Variants in NF1 observed in about 807,000 individuals in gnomAD.
NF1 encodes neurofibromin 1, also known as neurofibromin.
Under a neutral mutation model 325.7 loss-of-function variants are expected in NF1, and 122 were observed. The ratio of observed to expected loss-of-function variants is 0.37; its 90% CI spans 0.32 to 0.44. The LOEUF is 0.44. Among genes scored for constraint, NF1 ranks in the 20% least tolerant of loss-of-function variants. NF1 has a pLI of 1.00. For missense variants in NF1, 2,140 were observed against 3,415.4 expected (o/e 0.63, Z 9.31); for synonymous variants, 1,091 against 1,186.0 (o/e 0.92, Z 1.65).
Position 31,095,281 on chromosome 17 carries a change from C to T in NF1, c.-29C>T, listed in dbSNP as rs1346645450. The T allele has an allele frequency of 1.3e-6, 2 of 1,534,450 alleles. No homozygotes were observed. The highest frequency in any genetic ancestry group is 1.4e-5 in the African/African-American group (1 of 72,840). ...GCCCAGGGCGCCGGCCCACCCTTCC[C>T]TCCGCCGCCCCCCGGCCGCGGGGAG... On this transcript the variant is annotated 5_prime_UTR_variant, in exon 1 of 58. Transcript: ENST00000358273.
chr17:31,167,867 A>G (rs1363999292), intron 4 of NF1, among the ~76,000 whole-genome samples: 1 of 152,224 alleles, frequency 6.6e-6, no homozygotes, highest in African/African-American at 2.4e-5. Flanking sequence ...GTTTAAACAG[A>G]TATTCCTGTC....
chr17:31,197,634 A>T (rs1246067200), intron 8 of NF1, among the ~76,000 whole-genome samples: 1 of 151,654 alleles, frequency 6.6e-6, no homozygotes, highest in East Asian at 1.9e-4. Flanking sequence ...AATCCAGCTG[A>T]TTTTTGTGTG....
intron 36 of NF1, chr17:31,307,867 A>G (rs1382871649): frequency 2.3e-6 from 3 of 1,285,644 alleles, no homozygotes; most frequent in East Asian, 5.6e-5. Flanking sequence ...GGAAGGTGCA[A>G]TAAAGGTTTT....
At chr17:31,297,228 G>C (rs1048243788) in intron 36 of NF1, 1 of 152,302 alleles carries the variant, frequency 6.6e-6, no homozygotes, top group Non-Finnish European at 1.5e-5. Context: ...CTGTAGAGTC[G>C]GAACTGTTTC....
chr17:31,179,831 C>T (rs1357375137), intron 5 of NF1, among the ~76,000 whole-genome samples: 1 of 149,382 alleles, frequency 6.7e-6, no homozygotes, highest in Non-Finnish European at 1.5e-5. Flanking sequence ...TTGAAAAGAT[C>T]AACAAAATAA....
chr17:31,225,947 G>A (rs1385097848), intron 17 of NF1, among the ~76,000 whole-genome samples: 1 of 152,138 alleles, frequency 6.6e-6, no homozygotes, highest in Non-Finnish European at 1.5e-5. Flanking sequence ...ATCTTCTACA[G>A]CAATATTTAG....
rs1254837981 is a variant in NF1, at chr17:31,225,091, C to T, written c.1846-4C>T. ...GTAAAGCTTATTTATTTATTTTTTT[C>T]TAGCAGGCAGATAGAAGTTCCTGTC... On this transcript the variant is annotated splice_region_variant and splice_polypyrimidine_tract_variant and intron_variant, in intron 16 of 57. Coordinates refer to ENST00000358273, the MANE Select transcript of NF1 (RefSeq NM_001042492.3). 1 of 1,613,200 alleles carries T rather than the reference C, an allele frequency of 6.2e-7. No homozygotes were observed.
chr17:31,246,795 CATA>C (rs1266842408), intron 29 of NF1, among the ~76,000 whole-genome samples: 11 of 152,186 alleles, frequency 7.2e-5, no homozygotes, highest in Non-Finnish European at 1.6e-4. Flanking sequence ...GTGACCAACT[CATA>C]ATGATTGATA....
intron 31 of NF1, among the ~76,000 whole-genome samples, chr17:31,257,478 A>G (rs1055352040): frequency 1.3e-5 from 2 of 152,206 alleles, no homozygotes; most frequent in Non-Finnish European, 2.9e-5. Context: ...AACCAGTTTT[A>G]TAGCACTCTT....
chr17:31,296,575 C>CT, intron 36 of NF1: 1 of 504,102 alleles, frequency 2.0e-6, no homozygotes. Context: ...GCATTTTCTC[C>CT]TTTATTTTCT....
intron 36 of NF1, among the ~76,000 whole-genome samples, chr17:31,288,447 G>T (rs1357048679): frequency 1.3e-5 from 2 of 151,098 alleles, no homozygotes; most frequent in Non-Finnish European, 2.9e-5. Flanking sequence ...TTGTTCATGG[G>T]TATCAGAATT....
chr17:31,138,741 A>ATTT (rs143773612), intron 1 of NF1, among the ~76,000 whole-genome samples: 1 of 144,948 alleles, frequency 6.9e-6, no homozygotes, highest in Non-Finnish European at 1.5e-5. Flanking sequence ...CTACAGGCTA[A>ATTT]TTTTTTTTTT....
chr17:31,310,701 C>T (rs942916544), intron 36 of NF1, among the ~76,000 whole-genome samples: 7 of 152,010 alleles, frequency 4.6e-5, no homozygotes, highest in Admixed American at 2.0e-4. Flanking sequence ...CCCATGTACC[C>T]GTGTACGTTT....
intron 48 of NF1, among the ~76,000 whole-genome samples, chr17:31,345,142 G>GAA (rs1218085709): frequency 6.6e-6 from 1 of 152,050 alleles, no homozygotes; most frequent in Non-Finnish European, 1.5e-5. Flanking sequence ...GAAAAGAAAA[G>GAA]AAGACCAGAT....
In NF1 at chr17:31,295,014, C is replaced by G. The variant is rs372004919; in HGVS notation, c.4835+29675C>G. Reference sequence around the variant, plus strand: ...GTTTCAGAAAATGCAGACCCTCAGACAGCCAGCATGACCACAACATTGAGC... The same window carrying G: ...GTTTCAGAAAATGCAGACCCTCAGAGAGCCAGCATGACCACAACATTGAGC... On this transcript the variant is annotated intron_variant, in intron 36 of 57. Transcript: ENST00000358273. The G allele has an allele frequency of 1.2e-5, 20 of 1,614,124 alleles. No individual in the cohort carries two copies. Among genetic ancestry groups the G allele is most frequent in the Middle Eastern group, 3.3e-4 (2 of 6,062 alleles).
chr17:31,224,219 G>A (rs2066974990), intron 16 of NF1, among the ~76,000 whole-genome samples: 1 of 152,094 alleles, frequency 6.6e-6, no homozygotes, highest in South Asian at 2.1e-4. Context: ...CTGAACTATT[G>A]AAACATGGTG....
Position 31,330,494 on chromosome 17 carries a change from A to G in NF1, c.5808A>G (p.Lys1936=). The G allele has an allele frequency of 6.2e-7, 1 of 1,603,814 alleles. No individual in the cohort carries two copies. Among genetic ancestry groups the G allele is most frequent in the South Asian group, 1.1e-5 (1 of 90,768 alleles). Residue 1936 remains lysine (K), a synonymous_variant, in exon 39 of 58, where the codon AAA becomes AAG. Transcript: ENST00000358273. ...FLEECISGFS[K]SSIELKHLCL... Reference sequence around the variant, plus strand: ...AAGAGTGTATTTCTGGATTTAGCAAATCTAGTAAGTAATGATAATTTTCTT... The same window carrying G: ...AAGAGTGTATTTCTGGATTTAGCAAGTCTAGTAAGTAATGATAATTTTCTT...
rs747166610 is a variant in NF1 at position 31,261,869 on chromosome 17, C to T, written c.4724+12C>T. 5.5e-5 allele frequency: 89 copies of T among 1,612,444 alleles called. No individual in the cohort carries two copies. Among genetic ancestry groups the T allele is most frequent in the Non-Finnish European group, 7.2e-5 (85 of 1,179,766 alleles). On this transcript the variant is annotated intron_variant, in intron 35 of 57. Transcript: ENST00000358273. ...GAATTTATGACTAGGTAAAGTACAA[C>T]CTTGAAATAGTTGATTGCTTTCTTT...
chr17:31,116,963 C>G (rs1913974327), intron 1 of NF1, among the ~76,000 whole-genome samples: 2 of 151,376 alleles, frequency 1.3e-5, no homozygotes, highest in African/African-American at 2.4e-5. Flanking sequence ...AGGCATGAGC[C>G]ACTGTGCCTG....
Sources: gnomAD v4.1 joint callset for allele counts (sites outside exome capture counted in the v4.1 genomes callset) on GRCh38, gnomAD v4.1.1 for gene constraint, MANE v1.5 for transcripts, NCBI Gene and HGNC (gene_info 2026-07-23, HGNC 2026-07-21) for gene names.